The following EPB41L4B variants were observed in gnomAD, a reference collection of about 807,000 sequenced individuals.
EPB41L4B encodes erythrocyte membrane protein band 4.1 like 4B, also known as band 4.1-like protein 4B.
In EPB41L4B, 30 loss-of-function variants were observed where a neutral mutation model predicts 112.5. The observed-to-expected ratio is 0.27, with a 90% CI of 0.20 to 0.36. EPB41L4B has a LOEUF of 0.36. Ranked by LOEUF, EPB41L4B falls within the 10% of genes least tolerant of loss-of-function variation. The pLI is 1.00. For missense variants in EPB41L4B, 1,024 were observed against 1,133.3 expected (o/e 0.90, Z 1.38); for synonymous variants, 408 against 439.7 (o/e 0.93, Z 0.90).
At chr9:109,191,441 C>T (rs1233375538) in intron 22 of EPB41L4B, among the ~76,000 whole-genome samples, 1 of 152,134 alleles carries the variant, frequency 6.6e-6, no homozygotes, top group African/African-American at 2.4e-5. Context: ...TGGAGATACC[C>T]TGAGATGTGA....
intron 15 of EPB41L4B, among the ~76,000 whole-genome samples, chr9:109,238,305 A>G (rs993855973): frequency 1.3e-5 from 2 of 152,190 alleles, no homozygotes; most frequent in Non-Finnish European, 2.9e-5. Context: ...ACGAGAACAC[A>G]GCTGACACAC....
chr9:109,175,504 CACACACACAG>C (rs1831790727), intron 25 of EPB41L4B, among the ~76,000 whole-genome samples: 2 of 147,922 alleles, frequency 1.4e-5, no homozygotes, highest in African/African-American at 5.3e-5. Flanking sequence ...CACACACACA[CACACACACAG>C]AGTAAATACA....
chr9:109,290,790 C>T (rs535982501), intron 1 of EPB41L4B, among the ~76,000 whole-genome samples: 1 of 151,216 alleles, frequency 6.6e-6, no homozygotes, highest in East Asian at 1.9e-4. Flanking sequence ...ACACCCCCCA[C>T]CAAGTGGCCC....
intron 1 of EPB41L4B, among the ~76,000 whole-genome samples, chr9:109,317,917 T>C (rs1157464143): frequency 4.6e-5 from 7 of 152,296 alleles, no homozygotes; most frequent in African/African-American, 7.2e-5. Flanking sequence ...TACAAATGCA[T>C]TGGGGAGCTG....
chr9:109,197,558 G>A (rs912561046), intron 20 of EPB41L4B, among the ~76,000 whole-genome samples: 7 of 152,156 alleles, frequency 4.6e-5, no homozygotes, highest in Admixed American at 3.9e-4. Context: ...CTACTAATGG[G>A]GAAAATGCTG....
chr9:109,200,353 A>C lies in EPB41L4B; in HGVS notation c.1947-19T>G. The C allele has an allele frequency of 6.3e-7, 1 of 1,590,126 alleles. No homozygotes were observed. Among genetic ancestry groups the C allele is most frequent in the Non-Finnish European group, 8.6e-7 (1 of 1,158,414 alleles). ...AGGACTTCTAGAGACACACCGAAAA[A>C]CAGAACAATACCATCAAAAAAGGTT... On this transcript the variant is annotated intron_variant, in intron 19 of 25. Transcript: ENST00000374566.
At chr9:109,292,800 G>A (rs921272222) in intron 1 of EPB41L4B, among the ~76,000 whole-genome samples, 1 of 152,138 alleles carries the variant, frequency 6.6e-6, no homozygotes, top group Non-Finnish European at 1.5e-5. Context: ...ATCAAATATG[G>A]TGTTAATGAT....
At chr9:109,295,093 T>C (rs1179758612) in intron 1 of EPB41L4B, among the ~76,000 whole-genome samples, 1 of 152,202 alleles carries the variant, frequency 6.6e-6, no homozygotes. Context: ...ACAAGAGTCC[T>C]GGCACCCAAC....
In EPB41L4B at chr9:109,320,281, C is replaced by A. The variant is rs1197799907; in HGVS notation, c.166G>T (p.Gly56Cys). The A allele has an allele frequency of 7.0e-6, 8 of 1,145,764 alleles. No homozygotes were observed. Among genetic ancestry groups the A allele is most frequent in the Non-Finnish European group, 8.6e-6 (8 of 930,080 alleles). 71.0% of individuals were successfully genotyped at this position (1,145,764 alleles called of 1,614,324 possible). Residue 56 changes from glycine (G) to cysteine (C), a missense_variant, in exon 1 of 26, where the codon GGC becomes TGC. Physicochemically the swap from Gly to Cys is radical, Grantham distance 159. Coordinates refer to ENST00000374566, the MANE Select transcript of EPB41L4B (RefSeq NM_019114.5). ...CCGCCGCCCGCCGGGAACACGCTGCCCCCGGGCGCGGCGGGCAGCGCCGAG... is the reference window on the plus strand; with the variant it reads ...CCGCCGCCCGCCGGGAACACGCTGCACCCGGGCGCGGCGGGCAGCGCCGAG... The part of the protein sequence containing the change: ...SSSALPAAPG[G>C]SVFPAGGGPL...
intron 25 of EPB41L4B, among the ~76,000 whole-genome samples, chr9:109,175,022 T>G (rs1032339284): frequency 2.0e-5 from 3 of 151,452 alleles, no homozygotes; most frequent in African/African-American, 7.3e-5. Context: ...GTTCAAGCGA[T>G]TCTTCTGTCT....
At chr9:109,265,717 GT>G (rs965255057) in intron 4 of EPB41L4B, among the ~76,000 whole-genome samples, 4 of 152,162 alleles carry the variant, frequency 2.6e-5, no homozygotes, top group Non-Finnish European at 5.9e-5. Flanking sequence ...TCTTTTGTTT[GT>G]TTTTTACCAG....
chr9:109,286,418 G>T (rs1836281260), intron 1 of EPB41L4B, among the ~76,000 whole-genome samples: 2 of 152,150 alleles, frequency 1.3e-5, no homozygotes, highest in Admixed American at 6.5e-5. Context: ...AGTATTCCAT[G>T]AACAAGCACC....
At chr9:109,234,125 GC>G (rs1344429280) in intron 15 of EPB41L4B, among the ~76,000 whole-genome samples, 1 of 151,540 alleles carries the variant, frequency 6.6e-6, no homozygotes, top group Admixed American at 6.6e-5. Context: ...GCTAGCAAAG[GC>G]TATGATTTGC....
intron 15 of EPB41L4B, chr9:109,240,849 TAGC>T (rs1834331336): frequency 1.0e-6 from 1 of 985,320 alleles, no homozygotes; most frequent in Non-Finnish European, 1.2e-6. Context: ...TCACGCAAGT[TAGC>T]AGCACCAATC....
At chr9:109,285,115 C>T (rs1836221138) in intron 1 of EPB41L4B, among the ~76,000 whole-genome samples, 1 of 152,224 alleles carries the variant, frequency 6.6e-6, no homozygotes, top group South Asian at 2.1e-4. Flanking sequence ...TACACAGGGC[C>T]ACCAAAACTC....
At chr9:109,222,709 C>A (rs1173600435) in intron 15 of EPB41L4B, among the ~76,000 whole-genome samples, 1 of 152,172 alleles carries the variant, frequency 6.6e-6, no homozygotes, top group Non-Finnish European at 1.5e-5. Context: ...TCAGTCTCTG[C>A]CTTCATGAGC....
chr9:109,237,060 C>T (rs1337118336), intron 15 of EPB41L4B, among the ~76,000 whole-genome samples: 5 of 152,134 alleles, frequency 3.3e-5, no homozygotes, highest in Non-Finnish European at 1.5e-5. Flanking sequence ...GCTGTAAAGT[C>T]AAGGGCAACA....
intron 20 of EPB41L4B, among the ~76,000 whole-genome samples, chr9:109,195,681 C>T (rs1206495729): frequency 6.6e-6 from 1 of 152,074 alleles, no homozygotes; most frequent in Non-Finnish European, 1.5e-5. Context: ...AGTGGAGGAG[C>T]GGGGTTAAAA....
chr9:109,292,267 C>G (rs1836563403), intron 1 of EPB41L4B, among the ~76,000 whole-genome samples: 1 of 152,170 alleles, frequency 6.6e-6, no homozygotes, highest in African/African-American at 2.4e-5. Flanking sequence ...TTCTGGCTGC[C>G]CTGAGACTTG....
Sources: allele counts gnomAD v4.1 joint callset (sites outside exome capture counted in the v4.1 genomes callset), GRCh38; gene constraint gnomAD v4.1.1; transcripts MANE v1.5; gene names NCBI Gene and HGNC (gene_info 2026-07-23, HGNC 2026-07-21).